TMEM200A: variants seen among roughly 807,000 people sequenced by gnomAD.
The protein encoded by TMEM200A is two transmembrane C.
Under a neutral mutation model 24.3 loss-of-function variants are expected in TMEM200A, and 12 were observed. The observed-to-expected ratio is 0.49, with a 90% confidence interval of 0.32 to 0.80. The LOEUF (loss-of-function observed/expected upper bound fraction) is 0.80. Ranked by LOEUF, TMEM200A falls within the 30% of genes least tolerant of loss-of-function variation. The pLI is 0.04. For synonymous variants in TMEM200A, 224 were observed against 224.4 expected (o/e 1.00, Z 0.02); for missense variants, 545 against 614.4 (o/e 0.89, Z 1.19).
chr6:130,380,720 T>G (rs1222183682), intron 1 of TMEM200A, among the ~76,000 whole-genome samples: 1 of 152,172 alleles, frequency 6.6e-6, no homozygotes, highest in African/African-American at 2.4e-5. Context: ...ATGAAAAAAT[T>G]CAAAATCAGC....
At chr6:130,401,809 T>C (rs1165558004) in intron 2 of TMEM200A, among the ~76,000 whole-genome samples, 4 of 151,972 alleles carry the variant, frequency 2.6e-5, no homozygotes, top group African/African-American at 9.7e-5. Context: ...CTCTCACTTA[T>C]TTACTTAGTA....
intron 2 of TMEM200A, among the ~76,000 whole-genome samples, chr6:130,411,643 T>TA (rs1240907392): frequency 2.6e-5 from 4 of 152,224 alleles, no homozygotes. Flanking sequence ...TTGACTTTCA[T>TA]AAACTGGAAG....
Position 130,371,702 on chromosome 6 carries a change from G to C in TMEM200A, c.-81+5178G>C, listed in dbSNP as rs1368394382. ...TCACATGCATCCATTCTGGATTTAG[G>C]GTTTGGGGTATAGCAAGGAAAGGGG... On this transcript the variant is annotated intron_variant, in intron 1 of 2. Transcript: ENST00000296978. 2.0e-5 allele frequency among the ~76,000 whole-genome samples: 3 copies of C among 152,192 alleles called. No homozygotes were observed. In the East Asian group the frequency reaches 5.8e-4, roughly 29 times the overall value.
intron 2 of TMEM200A, among the ~76,000 whole-genome samples, chr6:130,431,806 G>T (rs1463137624): frequency 6.6e-6 from 1 of 152,106 alleles, no homozygotes; most frequent in Non-Finnish European, 1.5e-5. Flanking sequence ...AGGTTTTGAA[G>T]GCATTACTAA....
intron 2 of TMEM200A, among the ~76,000 whole-genome samples, chr6:130,422,722 CAGA>C (rs1157034939): frequency 6.6e-6 from 1 of 152,082 alleles, no homozygotes; most frequent in African/African-American, 2.4e-5. Context: ...TGTTTTGTAC[CAGA>C]AGGCCTTAGA....
intron 1 of TMEM200A, among the ~76,000 whole-genome samples, chr6:130,382,233 A>G (rs1047875580): frequency 2.0e-5 from 3 of 152,216 alleles, no homozygotes; most frequent in African/African-American, 7.2e-5. Flanking sequence ...ATGAAAGGCC[A>G]TGTAAGTGAA....
intron 2 of TMEM200A, among the ~76,000 whole-genome samples, chr6:130,394,112 G>T (rs1218514007): frequency 1.3e-5 from 2 of 152,100 alleles, no homozygotes; most frequent in East Asian, 3.9e-4. Context: ...CATTGTTAGG[G>T]TTTGAAGTCA....
intron 2 of TMEM200A, among the ~76,000 whole-genome samples, chr6:130,386,424 T>C (rs1778713510): frequency 6.6e-6 from 1 of 152,218 alleles, no homozygotes; most frequent in African/African-American, 2.4e-5. Context: ...TTTTATAAGC[T>C]ACTCTTAGAG....
chr6:130,390,837 GCT>G (rs1182364135), intron 2 of TMEM200A, among the ~76,000 whole-genome samples: 1 of 152,166 alleles, frequency 6.6e-6, no homozygotes, highest in Non-Finnish European at 1.5e-5. Context: ...TCACTGCTCT[GCT>G]CTCTGTCAGC....
chr6:130,369,457 A>G (rs932235125), intron 1 of TMEM200A, among the ~76,000 whole-genome samples: 1 of 152,166 alleles, frequency 6.6e-6, no homozygotes, highest in Non-Finnish European at 1.5e-5. Context: ...TTTAGGTTAC[A>G]TTCTGGAACA....
chr6:130,395,936 A>C (rs1778942446), intron 2 of TMEM200A, among the ~76,000 whole-genome samples: 2 of 152,244 alleles, frequency 1.3e-5, no homozygotes, highest in South Asian at 4.1e-4. Flanking sequence ...TTAGTGGCTA[A>C]AACTTAACAT....
chr6:130,435,013 T>C (rs1779967498), intron 2 of TMEM200A, among the ~76,000 whole-genome samples: 1 of 151,876 alleles, frequency 6.6e-6, no homozygotes, highest in African/African-American at 2.4e-5. Context: ...TTGATGTCTA[T>C]TGCTTAGCAA....
At chr6:130,389,007 TATA>T (rs1272685030) in intron 2 of TMEM200A, among the ~76,000 whole-genome samples, 1 of 152,176 alleles carries the variant, frequency 6.6e-6, no homozygotes, top group Admixed American at 6.5e-5. Flanking sequence ...ATAAAATACA[TATA>T]ATATGAAAGT....
intron 1 of TMEM200A, among the ~76,000 whole-genome samples, chr6:130,367,503 T>C (rs1468607081): frequency 6.6e-6 from 1 of 152,234 alleles, no homozygotes; most frequent in Non-Finnish European, 1.5e-5. Context: ...GCTATTTACT[T>C]TGTCGTTTCT....
chr6:130,427,908 CAGGACA>C, intron 2 of TMEM200A, among the ~76,000 whole-genome samples: 1 of 152,090 alleles, frequency 6.6e-6, no homozygotes, highest in Admixed American at 6.6e-5. Context: ...CTATCTCTAA[CAGGACA>C]TTGCAGAGGA....
At chr6:130,382,888 T>C (rs2011841) in intron 1 of TMEM200A, 118,221 of 279,624 alleles carry the variant, frequency 0.42, 30,159 homozygotes, top group African/African-American at 0.85. Context: ...GCTAGTGGCA[T>C]GAAGCAGGAA....
At chr6:130,365,822 A>G (rs1057399448), upstream of TMEM200A, 2 of 985,632 alleles carry the variant, frequency 2.0e-6, no homozygotes, top group African/African-American at 1.7e-5. Context: ...GGGCTCCTGC[A>G]GAGCAGATCC....
intron 1 of TMEM200A, among the ~76,000 whole-genome samples, chr6:130,371,910 A>G (rs1778329439): frequency 6.6e-6 from 1 of 152,214 alleles, no homozygotes; most frequent in Non-Finnish European, 1.5e-5. Flanking sequence ...ATTAGTTGTC[A>G]GGCACTATCA....
At chr6:130,397,826 G>A (rs1391599539) in intron 2 of TMEM200A, among the ~76,000 whole-genome samples, 1 of 150,850 alleles carries the variant, frequency 6.6e-6, no homozygotes, top group East Asian at 1.9e-4. Context: ...GCTTTGGAAG[G>A]TATACATTTT....
Sources: allele counts gnomAD v4.1 joint callset (sites outside exome capture counted in the v4.1 genomes callset), GRCh38; gene constraint gnomAD v4.1.1; transcripts MANE v1.5; gene names NCBI Gene and HGNC (gene_info 2026-07-23, HGNC 2026-07-21).